DIS3L2: variants seen among roughly 807,000 people sequenced by gnomAD.
The protein encoded by DIS3L2 is DIS3 like 3'-5' exoribonuclease 2.
DIS3L2 carries 34 observed loss-of-function variants against 97.5 expected under a neutral mutation model. The ratio of observed to expected loss-of-function variants is 0.35; its 90% CI spans 0.27 to 0.46. DIS3L2 has a LOEUF of 0.46. DIS3L2 is among the 20% of genes least tolerant of loss of function. The pLI is 1.00. For missense variants in DIS3L2, 1,038 were observed against 1,146.0 expected (o/e 0.91, Z 1.36); for synonymous variants, 435 against 445.2 (o/e 0.98, Z 0.29).
chr2:232,248,459 G>C (rs537325939), intron 11 of DIS3L2, among the ~76,000 whole-genome samples: 1 of 15,322 alleles, frequency 6.5e-5, no homozygotes, highest in Admixed American at 1.1e-3. Context: ...GTAATTTCAG[G>C]AGATACAGAG....
intron 14 of DIS3L2, chr2:232,329,443 A>G: frequency 4.7e-6 from 1 of 211,692 alleles, no homozygotes; most frequent in Non-Finnish European, 9.3e-6. Context: ...GCATCCTGTC[A>G]TTCAGCAGAG....
intron 1 of DIS3L2, among the ~76,000 whole-genome samples, chr2:232,013,500 C>G (rs1250465320): frequency 6.6e-6 from 1 of 152,158 alleles, no homozygotes; most frequent in Non-Finnish European, 1.5e-5. Context: ...ATTTTTATTT[C>G]CTTTTGCCAA....
intron 5 of DIS3L2, among the ~76,000 whole-genome samples, chr2:232,049,327 A>G (rs989453653): frequency 1.1e-4 from 16 of 152,214 alleles, no homozygotes; most frequent in Admixed American, 1.0e-3. Context: ...TTGTACTACC[A>G]GGTTGCTGTG....
At chr2:232,134,775 T>A (rs1698311605) in intron 7 of DIS3L2, among the ~76,000 whole-genome samples, 1 of 151,802 alleles carries the variant, frequency 6.6e-6, no homozygotes, top group African/African-American at 2.4e-5. Flanking sequence ...GAGGTTGCAG[T>A]GAGCCAAGAT....
intron 14 of DIS3L2, among the ~76,000 whole-genome samples, chr2:232,324,412 T>C (rs1353276909): frequency 1.3e-5 from 2 of 152,096 alleles, no homozygotes; most frequent in East Asian, 3.9e-4. Flanking sequence ...AGGGCCCTGG[T>C]GGCTGAGGGC....
intron 16 of DIS3L2, among the ~76,000 whole-genome samples, chr2:232,331,289 G>A (rs544486551): frequency 1.3e-5 from 2 of 152,340 alleles, no homozygotes; most frequent in South Asian, 2.1e-4. Flanking sequence ...CAGCGCCCCA[G>A]GCTGAGCTTC....
intron 8 of DIS3L2, among the ~76,000 whole-genome samples, chr2:232,147,187 T>A (rs1272345138): frequency 1.3e-5 from 2 of 152,106 alleles, no homozygotes; most frequent in Non-Finnish European, 2.9e-5. Context: ...TCCAAACAGG[T>A]CTTGAACTCC....
intron 1 of DIS3L2, among the ~76,000 whole-genome samples, chr2:231,989,760 G>A (rs545775428): frequency 1.3e-5 from 2 of 152,216 alleles, no homozygotes; most frequent in Admixed American, 6.5e-5. Flanking sequence ...ACTTGAGCCC[G>A]GGAGGTTGAG....
intron 9 of DIS3L2, among the ~76,000 whole-genome samples, chr2:232,207,224 T>C (rs1186711215): frequency 6.6e-6 from 1 of 152,188 alleles, no homozygotes; most frequent in Non-Finnish European, 1.5e-5. Context: ...ACTCAGTGTA[T>C]ATAAAACATT....
At chr2:232,022,732 TC>T (rs1275750972) in intron 3 of DIS3L2, among the ~76,000 whole-genome samples, 1 of 152,230 alleles carries the variant, frequency 6.6e-6, no homozygotes, top group East Asian at 1.9e-4. Flanking sequence ...GTTGTTAGTC[TC>T]CCTTGTACCC....
chr2:232,027,939 T>A (rs1395996057), intron 4 of DIS3L2, among the ~76,000 whole-genome samples: 1 of 152,228 alleles, frequency 6.6e-6, no homozygotes, highest in Non-Finnish European at 1.5e-5. Flanking sequence ...ATTGATCAGA[T>A]GGAAAAACCT....
intron 14 of DIS3L2, among the ~76,000 whole-genome samples, chr2:232,323,668 G>A (rs1695498616): frequency 1.3e-5 from 2 of 152,176 alleles, no homozygotes; most frequent in South Asian, 2.1e-4. Flanking sequence ...GGTTTCATGG[G>A]AACGTCCAAT....
intron 9 of DIS3L2, among the ~76,000 whole-genome samples, chr2:232,165,485 A>C (rs1484582059): frequency 6.6e-6 from 1 of 152,168 alleles, no homozygotes; most frequent in Non-Finnish European, 1.5e-5. Flanking sequence ...CAGGGAAGTG[A>C]ACTTTGACTT....
intron 9 of DIS3L2, among the ~76,000 whole-genome samples, chr2:232,210,028 A>G (rs1339934121): frequency 1.3e-5 from 2 of 151,894 alleles, no homozygotes; most frequent in Admixed American, 6.6e-5. Context: ...TTGTTGGCCA[A>G]CTCTTCTTGA....
chr2:232,097,643 G>A (rs1448755908), intron 6 of DIS3L2, among the ~76,000 whole-genome samples: 13 of 152,026 alleles, frequency 8.6e-5, no homozygotes. Context: ...CTTCAAAGTG[G>A]TGGGCTCCCC....
rs996536894 is a variant in DIS3L2 at position 232,103,444 on chromosome 2, C to T, written c.601+15723C>T. On this transcript the variant is annotated intron_variant, in intron 6 of 20. Coordinates refer to ENST00000325385, the MANE Select transcript of DIS3L2 (RefSeq NM_152383.5). ...ATAGATATTGAATTCTCCTCAAGTG[C>T]CTTTTGAGCCTCTTTCAAGATGCTG... Among the ~76,000 whole-genome samples the T allele has an allele frequency of 7.9e-5, 12 of 152,196 alleles. No homozygotes were observed. In the East Asian group the frequency reaches 2.3e-3, roughly 29 times the overall value.
chr2:232,340,849 C>G (rs1423625024), downstream of DIS3L2: 10 of 471,522 alleles, frequency 2.1e-5, no homozygotes, highest in South Asian at 1.5e-4. Flanking sequence ...TCATGCCTAT[C>G]CGTGCACAGC....
exon 14 of DIS3L2, chr2:232,343,678 A>C: frequency 7.8e-7 from 1 of 1,281,726 alleles, no homozygotes; most frequent in Non-Finnish European, 1.1e-6. Flanking sequence ...CCAGTAGAAA[A>C]GGAGCTGGAT....
rs187723884 is a variant in DIS3L2 at position 232,336,944 on chromosome 2, A to T, written c.*314A>T. 1,295 of 1,193,096 alleles carry T rather than the reference A, an allele frequency of 1.1e-3. 16 individuals carry two copies. In the African/African-American group the frequency reaches 0.018, roughly 17 times the overall value. 73.9% of individuals were successfully genotyped at this position (1,193,096 alleles called of 1,614,324 possible). A position where few individuals can be genotyped will look rare whatever the true frequency, so the allele number is the denominator to read the frequency against. On this transcript the variant is annotated 3_prime_UTR_variant, in exon 21 of 21. Transcript: ENST00000325385. ...GGAAATGGGGGGGTTTCAGCAACTC[A>T]GTGTCACAGAATAAAATCAAGTGTG... is the stretch of plus-strand genomic sequence containing the variant.
Sources: allele counts gnomAD v4.1 joint callset (sites outside exome capture counted in the v4.1 genomes callset), GRCh38; gene constraint gnomAD v4.1.1; transcripts MANE v1.5; gene names NCBI Gene and HGNC (gene_info 2026-07-23, HGNC 2026-07-21).